GLCCI1: variants seen among roughly 807,000 people sequenced by gnomAD.
GLCCI1 encodes the protein glucocorticoid induced 1, also known as glucocorticoid-induced transcript 1 protein.
A neutral mutation model predicts 52.2 loss-of-function variants in GLCCI1; 24 were observed. The ratio of observed to expected loss-of-function variants is 0.46; its 90% CI spans 0.33 to 0.65. The LOEUF is 0.65. Among genes scored for constraint, GLCCI1 ranks in the 30% least tolerant of loss-of-function variants. The pLI is 0.02. For synonymous variants in GLCCI1, 310 were observed against 276.5 expected (o/e 1.12, Z -1.20); for missense variants, 704 against 701.5 (o/e 1.00, Z -0.04).
intron 3 of GLCCI1, among the ~76,000 whole-genome samples, chr7:8,053,552 C>A (rs1782316669): frequency 1.4e-5 from 2 of 145,494 alleles, no homozygotes; most frequent in African/African-American, 5.1e-5. Flanking sequence ...CCAGGCTGGT[C>A]TTCAACTGCT....
intron 1 of GLCCI1, among the ~76,000 whole-genome samples, chr7:7,976,683 AGGCAGAT>A (rs917066469): frequency 9.2e-5 from 14 of 151,866 alleles, no homozygotes; most frequent in African/African-American, 2.9e-4. Flanking sequence ...AAGCTGAGGC[AGGCAGAT>A]GGCTTGAGTT....
Position 7,969,577 on chromosome 7 carries a change from G to A in GLCCI1, c.227G>A (p.Ser76Asn), listed in dbSNP as rs2115396692. 3 of 1,033,000 alleles carry A rather than the reference G, an allele frequency of 2.9e-6. No homozygotes were observed. Among genetic ancestry groups the A allele is most frequent in the African/African-American group, 3.5e-5 (2 of 57,558 alleles). 64.0% of individuals were successfully genotyped at this position (1,033,000 alleles called of 1,614,324 possible). Residue 76 changes from serine (S) to asparagine (N), a missense_variant, in exon 1 of 8, where the codon AGC (serine) becomes AAC (asparagine). Ser to Asn is a conservative substitution (Grantham distance 46). Transcript: ENST00000223145. This position sits in a 1 kb window ranked among gnomAD's most constrained non-coding sequence, Gnocchi z 4.9. ...ATVPYQLLRG[S>N]QHSPTRPPVA... ...GTGCCCTACCAGCTCTTGCGGGGCAGCCAGCACAGTCCCACGCGTCCGCCC... is the reference window on the plus strand; with the variant it reads ...GTGCCCTACCAGCTCTTGCGGGGCAACCAGCACAGTCCCACGCGTCCGCCC...
At chr7:7,986,796 G>A (rs891830781) in intron 1 of GLCCI1, among the ~76,000 whole-genome samples, 1 of 152,148 alleles carries the variant, frequency 6.6e-6, no homozygotes, top group Non-Finnish European at 1.5e-5. Context: ...GAGATATTCA[G>A]ACCTAGAGTG....
intron 6 of GLCCI1, among the ~76,000 whole-genome samples, chr7:8,072,020 A>C (rs1782773386): frequency 6.6e-6 from 1 of 152,208 alleles, no homozygotes; most frequent in Non-Finnish European, 1.5e-5. Context: ...ATAAGTGCTC[A>C]GCCAAATGAA....
At chr7:8,012,639 G>A (rs922080487) in intron 2 of GLCCI1, among the ~76,000 whole-genome samples, 2 of 151,286 alleles carry the variant, frequency 1.3e-5, no homozygotes, top group African/African-American at 4.9e-5. Context: ...TAGAGACGGG[G>A]TTTCACCGTG....
At chr7:7,976,268 C>T (rs546215130) in intron 1 of GLCCI1, among the ~76,000 whole-genome samples, 4 of 151,882 alleles carry the variant, frequency 2.6e-5, no homozygotes, top group Non-Finnish European at 5.9e-5. Context: ...TACTTGAGAT[C>T]AGGAGTTTGA....
chr7:8,025,295 G>A lies in GLCCI1; in HGVS notation c.696+2726G>A, dbSNP rs184161942. Among the ~76,000 whole-genome samples the A allele has an allele frequency of 1.2e-3, 175 of 152,116 alleles. 1 individual carries two copies. Among genetic ancestry groups the A allele is most frequent in the African/African-American group, 4.0e-3 (165 of 41,474 alleles). ...GCAGAGCTTGCAGTGAGCCAAGATC[G>A]CGCCACTGCACTGCAGCCTGGGTGA... On this transcript the variant is annotated intron_variant, in intron 3 of 7. Transcript: ENST00000223145.
intron 5 of GLCCI1, among the ~76,000 whole-genome samples, chr7:8,065,856 T>G (rs1459141824): frequency 6.6e-6 from 1 of 152,182 alleles, no homozygotes; most frequent in African/African-American, 2.4e-5. Context: ...CACCTGAAGT[T>G]TTTGTTGTCA....
In GLCCI1 at chr7:8,031,968, AAATTAT is replaced by A. The variant is rs554376482; in HGVS notation, c.696+9407_696+9412del. ...CATTAAGCAAAAAATGTAAAATGAG[AAATTAT>A]AATTATATGACAGTAATTAGAGATT... On this transcript the variant is annotated intron_variant, in intron 3 of 7. Coordinates refer to ENST00000223145, the MANE Select transcript of GLCCI1 (RefSeq NM_138426.4). Among the ~76,000 whole-genome samples the A allele has an allele frequency of 4.5e-3, 689 of 152,144 alleles. 2 individuals are homozygous for A. The highest frequency in any genetic ancestry group is 0.015 in the African/African-American group (636 of 41,574).
chr7:8,064,421 A>G (rs371882916), intron 5 of GLCCI1, among the ~76,000 whole-genome samples: 1 of 152,106 alleles, frequency 6.6e-6, no homozygotes, highest in Non-Finnish European at 1.5e-5. Context: ...ACAGGTGTGC[A>G]GTATTATTTC....
At chr7:8,082,988 G>A (rs924864827) in intron 6 of GLCCI1, among the ~76,000 whole-genome samples, 63 of 152,160 alleles carry the variant, frequency 4.1e-4, no homozygotes, top group African/African-American at 1.4e-3. Flanking sequence ...CTTAACTACT[G>A]ACATGACTGC....
chr7:8,083,660 A>G (rs200361170), intron 6 of GLCCI1, among the ~76,000 whole-genome samples: 1 of 151,894 alleles, frequency 6.6e-6, no homozygotes, highest in Admixed American at 6.6e-5. Context: ...CATACATAAT[A>G]ATGATAGAGA....
At chr7:7,997,311 G>A (rs1028151228) in intron 1 of GLCCI1, among the ~76,000 whole-genome samples, 2 of 151,798 alleles carry the variant, frequency 1.3e-5, no homozygotes, top group African/African-American at 2.4e-5. Flanking sequence ...AGCTTTCAAG[G>A]TATTCTCATT....
intron 5 of GLCCI1, among the ~76,000 whole-genome samples, chr7:8,062,510 A>T (rs765561544): frequency 2.6e-5 from 4 of 152,216 alleles, no homozygotes; most frequent in African/African-American, 4.8e-5. Context: ...CAGGTTTCTT[A>T]CATAGGTAAG....
chr7:8,025,846 GTATTCTA>G (rs1220397695), intron 3 of GLCCI1, among the ~76,000 whole-genome samples: 1 of 152,198 alleles, frequency 6.6e-6, no homozygotes, highest in Non-Finnish European at 1.5e-5. Context: ...TGTCAACCAG[GTATTCTA>G]TATCCAGCAA....
chr7:8,080,520 C>T (rs1299188632), intron 6 of GLCCI1, among the ~76,000 whole-genome samples: 2 of 151,390 alleles, frequency 1.3e-5, no homozygotes, highest in Non-Finnish European at 2.9e-5. Context: ...CTAAAGGATG[C>T]CATCATGAAC....
At chr7:8,070,706 T>G in intron 5 of GLCCI1, 2 of 512,416 alleles carry the variant, frequency 3.9e-6, no homozygotes, top group Non-Finnish European at 7.0e-6. Flanking sequence ...GCTATGGAAT[T>G]TTTAAGGCAA....
At chr7:8,003,835 A>G in intron 1 of GLCCI1, 73 bp from the exon 2 acceptor site, 3 of 1,358,476 alleles carry the variant, frequency 2.2e-6, no homozygotes, top group Non-Finnish European at 3.0e-6. Flanking sequence ...GACATTCTAC[A>G]AACTATGAAG....
chr7:8,022,626 G>T (rs373735984), intron 3 of GLCCI1, 57 bp downstream of exon 3: 2 of 1,048,854 alleles, frequency 1.9e-6, no homozygotes, highest in South Asian at 3.5e-5. Flanking sequence ...GATTACCTTA[G>T]TATTTCCTGA....
Sources: gnomAD v4.1 joint callset for allele counts (sites outside exome capture counted in the v4.1 genomes callset) on GRCh38, gnomAD v4.1.1 for gene constraint, Gnocchi (gnomAD v3.1) non-coding constraint, MANE v1.5 for transcripts, NCBI Gene and HGNC (gene_info 2026-07-23, HGNC 2026-07-21) for gene names.